OPN5: variants seen among roughly 807,000 people sequenced by gnomAD.
OPN5 encodes the protein opsin 5, also known as opsin-5.
OPN5 carries 18 observed loss-of-function variants against 41.7 expected under a neutral mutation model. The ratio of observed to expected loss-of-function variants is 0.43; its 90% CI spans 0.30 to 0.64. The LOEUF is 0.64. OPN5 is among the 30% of genes least tolerant of loss of function. The probability of loss-of-function intolerance (pLI) is 0.13; values close to 1 mark genes in which losing one functional copy is unlikely to be tolerated. For synonymous variants in OPN5, 178 were observed against 164.3 expected, an observed-to-expected ratio of 1.08 and a Z score of -0.64; for missense variants, 318 against 434.5, an observed-to-expected ratio of 0.73 and a Z score of 2.38.
intron 2 of OPN5, among the ~76,000 whole-genome samples, chr6:47,789,403 G>A (rs577293530): frequency 1.3e-5 from 2 of 148,546 alleles, no homozygotes; most frequent in African/African-American, 2.6e-5. Context: ...TACAAATTTA[G>A]GTGTTTTTTT....
At chr6:47,824,333 A>T (rs1180609656) in exon 7 of OPN5, 2 of 351,058 alleles carry the variant, frequency 5.7e-6, no homozygotes, top group Non-Finnish European at 1.1e-5. Context: ...GAAAAGCCTG[A>T]TTCAAGGAGA....
chr6:47,814,542 T>A (rs966953487), intron 6 of OPN5, among the ~76,000 whole-genome samples: 1 of 152,118 alleles, frequency 6.6e-6, no homozygotes, highest in Non-Finnish European at 1.5e-5. Flanking sequence ...CTACATTGTT[T>A]TGGGTAATAA....
chr6:47,809,801 C>T (rs1399080978), intron 5 of OPN5, among the ~76,000 whole-genome samples: 1 of 152,184 alleles, frequency 6.6e-6, no homozygotes, highest in Non-Finnish European at 1.5e-5. Context: ...ACACTATGTC[C>T]TCACTGGCTA....
chr6:47,801,388 T>G (rs1773768059), intron 4 of OPN5, among the ~76,000 whole-genome samples: 2 of 152,196 alleles, frequency 1.3e-5, no homozygotes, highest in African/African-American at 2.4e-5. Context: ...TTACATTGAC[T>G]GTGAAATCTT....
intron 4 of OPN5, 87 bp downstream of exon 4, chr6:47,795,650 A>G: frequency 2.3e-6 from 2 of 878,540 alleles, no homozygotes; most frequent in South Asian, 1.6e-5. Context: ...GGAGACTGAG[A>G]GAACTTAGAA....
At chr6:47,798,900 T>C (rs1431687492) in intron 4 of OPN5, among the ~76,000 whole-genome samples, 1 of 152,172 alleles carries the variant, frequency 6.6e-6, no homozygotes, top group Admixed American at 6.5e-5. Context: ...TTGCTTGCTC[T>C]CTTGGTACTT....
chr6:47,822,861 A>G (rs555370546), intron 6 of OPN5, among the ~76,000 whole-genome samples: 1 of 152,284 alleles, frequency 6.6e-6, no homozygotes, highest in African/African-American at 2.4e-5. Flanking sequence ...AAGTCCTCCA[A>G]ACGACATCTT....
intron 6 of OPN5, among the ~76,000 whole-genome samples, chr6:47,819,271 C>T (rs1762522846): frequency 7.0e-6 from 1 of 142,992 alleles, no homozygotes; most frequent in South Asian, 2.2e-4. Context: ...CCTAAATTTA[C>T]TGGGTAGTGG....
At chr6:47,793,064 C>T (rs192850762) in intron 3 of OPN5, among the ~76,000 whole-genome samples, 1 of 150,426 alleles carries the variant, frequency 6.6e-6, no homozygotes, top group African/African-American at 2.4e-5. Flanking sequence ...ATCAAAATTT[C>T]CAGTAAGATA....
chr6:47,793,056 C>T (rs16876541), intron 3 of OPN5, among the ~76,000 whole-genome samples: 20 of 149,114 alleles, frequency 1.3e-4, no homozygotes, highest in African/African-American at 4.7e-4. Context: ...TAGCTTGAAT[C>T]AAAATTTCCA....
chr6:47,794,359 G>A (rs1012392521), intron 3 of OPN5, among the ~76,000 whole-genome samples: 2 of 152,200 alleles, frequency 1.3e-5, no homozygotes, highest in Admixed American at 1.3e-4. Flanking sequence ...TTCGTTCGAG[G>A]TGATGAGTGA....
downstream of OPN5, chr6:47,824,935 G>A (rs1025737522): frequency 2.6e-5 from 4 of 151,866 alleles, no homozygotes; most frequent in Non-Finnish European, 2.9e-5. Context: ...AACAAAGTAA[G>A]AAGACTCTAC....
At chr6:47,819,815 A>G (rs1416011340) in intron 6 of OPN5, among the ~76,000 whole-genome samples, 1 of 152,208 alleles carries the variant, frequency 6.6e-6, no homozygotes, top group African/African-American at 2.4e-5. Context: ...TAATACAAAT[A>G]GGCAAAATGT....
At chr6:47,818,498 G>C (rs1762498997) in intron 6 of OPN5, among the ~76,000 whole-genome samples, 1 of 152,190 alleles carries the variant, frequency 6.6e-6, no homozygotes, top group Non-Finnish European at 1.5e-5. Context: ...ATCCAAGCTA[G>C]TGTTTTGCAG....
At chr6:47,814,560 G>A (rs1762373453) in intron 6 of OPN5, among the ~76,000 whole-genome samples, 3 of 152,112 alleles carry the variant, frequency 2.0e-5, no homozygotes, top group African/African-American at 7.2e-5. Context: ...TAATCTGAGA[G>A]CTGGGAGGCA....
chr6:47,811,614 A>C (rs1301928881), intron 5 of OPN5, 60 bp from the exon 6 acceptor site: 1 of 1,064,374 alleles, frequency 9.4e-7, no homozygotes, highest in East Asian at 2.4e-5. Flanking sequence ...ATATGTACAT[A>C]TGTATTTATG....
At chr6:47,797,944 C>A (rs1773629287) in intron 4 of OPN5, among the ~76,000 whole-genome samples, 1 of 152,174 alleles carries the variant, frequency 6.6e-6, no homozygotes, top group African/African-American at 2.4e-5. Context: ...GCTTCTGGAA[C>A]TCATTATACA....
At chr6:47,789,862 A>G (rs4098287) in intron 2 of OPN5, among the ~76,000 whole-genome samples, 137,397 of 151,964 alleles carry the variant, frequency 0.9, 62,749 homozygotes, top group East Asian at 1. Flanking sequence ...CTTTTGTGAT[A>G]TAGATCAGTT....
chr6:47,824,414 G>T (rs551250820), exon 7 of OPN5: 4 of 207,016 alleles, frequency 1.9e-5, no homozygotes, highest in Non-Finnish European at 3.9e-5. Flanking sequence ...TGCAGATGAT[G>T]TACTGGGCAG....
Sources: gnomAD v4.1 joint callset for allele counts (sites outside exome capture counted in the v4.1 genomes callset) on GRCh38, gnomAD v4.1.1 for gene constraint, MANE v1.5 for transcripts, NCBI Gene and HGNC (gene_info 2026-07-23, HGNC 2026-07-21) for gene names.